PTPRT: variants seen among roughly 807,000 people sequenced by gnomAD.
The protein encoded by PTPRT is receptor-type tyrosine-protein phosphatase T.
Under a neutral mutation model 176.8 loss-of-function variants are expected in PTPRT, and 56 were observed. The ratio of observed to expected loss-of-function variants is 0.32; its 90% CI spans 0.26 to 0.40. PTPRT has a LOEUF of 0.40. Among genes scored for constraint, PTPRT ranks in the 10% least tolerant of loss-of-function variants. The pLI is 1.00. For missense variants in PTPRT, 1,540 were observed against 1,908.2 expected (o/e 0.81, Z 3.60); for synonymous variants, 783 against 739.0 (o/e 1.06, Z -0.96).
intron 15 of PTPRT, among the ~76,000 whole-genome samples, chr20:42,204,180 G>T (rs2055392596): frequency 6.6e-6 from 1 of 152,124 alleles, no homozygotes; most frequent in Non-Finnish European, 1.5e-5. Flanking sequence ...GAAATATTTT[G>T]GGCGGTAACT....
chr20:42,365,977 T>TC (rs1969976055), intron 9 of PTPRT, among the ~76,000 whole-genome samples: 3 of 152,250 alleles, frequency 2.0e-5, no homozygotes, highest in Admixed American at 2.0e-4. Context: ...AGGAGTCAGG[T>TC]CCCCCTCCTC....
intron 16 of PTPRT, among the ~76,000 whole-genome samples, chr20:42,180,969 T>A (rs921844593): frequency 6.6e-6 from 1 of 152,196 alleles, no homozygotes; most frequent in African/African-American, 2.4e-5. Flanking sequence ...AACCTCAATC[T>A]CCACATGTGT....
chr20:42,995,636 G>T (rs760164931), intron 1 of PTPRT, among the ~76,000 whole-genome samples: 1 of 152,088 alleles, frequency 6.6e-6, no homozygotes, highest in Non-Finnish European at 1.5e-5. Flanking sequence ...TCCCAGGAAG[G>T]ACTGTCTTCT....
chr20:42,063,366 T>A, the PTPRT span: 1 of 152,392 alleles, frequency 6.6e-6, no homozygotes, highest in East Asian at 1.9e-4. Context: ...TCTGGGGAAC[T>A]GGATGCCAAG....
chr20:42,234,542 C>A (rs6030076), intron 15 of PTPRT, among the ~76,000 whole-genome samples: 71,323 of 152,086 alleles, frequency 0.47, 18,759 homozygotes, highest in Non-Finnish European at 0.58. Flanking sequence ...TACACTGATA[C>A]CTATCCCCTG....
chr20:42,947,237 A>G (rs913195980), intron 1 of PTPRT, among the ~76,000 whole-genome samples: 3 of 152,190 alleles, frequency 2.0e-5, no homozygotes, highest in African/African-American at 7.2e-5. Context: ...ATTTGGAATC[A>G]AGAATGCAGG....
intron 9 of PTPRT, among the ~76,000 whole-genome samples, chr20:42,358,163 C>T (rs750191724): frequency 2.7e-5 from 4 of 149,010 alleles, no homozygotes; most frequent in Non-Finnish European, 5.9e-5. Context: ...TATACCATGG[C>T]TATGCAAGAT....
chr20:42,400,904 G>A (rs1013956092), intron 9 of PTPRT, among the ~76,000 whole-genome samples: 13 of 151,954 alleles, frequency 8.6e-5, no homozygotes, highest in Non-Finnish European at 1.6e-4. Flanking sequence ...ATAAGGGATC[G>A]GGTTTTTAAC....
At chr20:42,060,520 G>A in the PTPRT span, among the ~76,000 whole-genome samples, 1 of 152,122 alleles carries the variant, frequency 6.6e-6, no homozygotes, top group Non-Finnish European at 1.5e-5. Flanking sequence ...GAATCATGGG[G>A]GCAAGTCTTT....
chr20:42,901,205 A>C (rs910816659), intron 1 of PTPRT, among the ~76,000 whole-genome samples: 1 of 151,580 alleles, frequency 6.6e-6, no homozygotes, highest in Non-Finnish European at 1.5e-5. Context: ...TTCTCTCTCA[A>C]ACTGTCTTTT....
chr20:42,128,724 C>T (rs1342087296), intron 19 of PTPRT, 30 bp downstream of exon 19: 8 of 1,539,064 alleles, frequency 5.2e-6, no homozygotes, highest in African/African-American at 1.4e-5. Context: ...AAAAGCCAGC[C>T]CCAGCCCCCA....
chr20:42,045,889 T>C, the PTPRT span, among the ~76,000 whole-genome samples: 3 of 152,204 alleles, frequency 2.0e-5, no homozygotes, highest in Non-Finnish European at 2.9e-5. Flanking sequence ...TAATTCAAGG[T>C]AGTCATTGAA....
intron 17 of PTPRT, among the ~76,000 whole-genome samples, chr20:42,153,597 C>T (rs1480114236): frequency 1.3e-5 from 2 of 152,142 alleles, no homozygotes; most frequent in African/African-American, 2.4e-5. Flanking sequence ...AAGACTGAGT[C>T]TCTTCCCTTT....
At chr20:43,187,985 A>G (rs2015437547) in intron 1 of PTPRT, among the ~76,000 whole-genome samples, 1 of 152,324 alleles carries the variant, frequency 6.6e-6, no homozygotes, top group South Asian at 2.1e-4. Context: ...CCGAGCCGGT[A>G]CGGGTTTTAC....
At chr20:42,348,202 G>A (rs1006210095) in intron 11 of PTPRT, among the ~76,000 whole-genome samples, 210 of 152,082 alleles carry the variant, frequency 1.4e-3, no homozygotes, top group African/African-American at 4.9e-3. Context: ...TTCGTGCTGG[G>A]TGGCATTGGT....
chr20:43,008,747 A>T (rs976111832), intron 1 of PTPRT, among the ~76,000 whole-genome samples: 1 of 152,072 alleles, frequency 6.6e-6, no homozygotes, highest in African/African-American at 2.4e-5. Context: ...TTATAAGCCA[A>T]TCTATGGTAT....
the PTPRT span, among the ~76,000 whole-genome samples, chr20:42,044,934 G>A: frequency 5.3e-5 from 8 of 152,150 alleles, no homozygotes; most frequent in East Asian, 9.6e-4. Context: ...TCTAAAGGCC[G>A]CCTGCATTTC....
In PTPRT at chr20:42,169,468, G is replaced by T. The variant is rs79409565; in HGVS notation, c.2492-7926C>A. ...CATTGCTCCTCTTGCTTAAACCACT[G>T]CCAGAATTTGGGAGGAATATTGATG... On this transcript the variant is annotated intron_variant, in intron 16 of 30. Coordinates refer to ENST00000373187, the MANE Select transcript of PTPRT (RefSeq NM_007050.6). 2.3e-3 allele frequency among the ~76,000 whole-genome samples: 348 copies of T among 152,040 alleles called. 1 individual carries two copies. Among genetic ancestry groups the T allele is most frequent in the African/African-American group, 8.0e-3 (330 of 41,470 alleles).
At chr20:42,378,045 C>T (rs1382925020) in intron 9 of PTPRT, among the ~76,000 whole-genome samples, 1 of 152,190 alleles carries the variant, frequency 6.6e-6, no homozygotes, top group Non-Finnish European at 1.5e-5. Context: ...GAATAGAAGG[C>T]TTAACAGATG....
Sources: gnomAD v4.1 joint callset for allele counts (sites outside exome capture counted in the v4.1 genomes callset) on GRCh38, gnomAD v4.1.1 for gene constraint, MANE v1.5 for transcripts, NCBI Gene and HGNC (gene_info 2026-07-23, HGNC 2026-07-21) for gene names.